CALN1: variants seen among roughly 807,000 people sequenced by gnomAD.
CALN1 encodes calneuron 1, also known as calcium-binding protein 8.
A neutral mutation model predicts 30.6 loss-of-function variants in CALN1; 17 were observed. That is an observed-to-expected ratio of 0.56 (90% confidence interval 0.38 to 0.83). The LOEUF is 0.83. Ranked by LOEUF, CALN1 falls within the 40% of genes least tolerant of loss-of-function variation. CALN1 has a pLI of 0.00. For synonymous variants in CALN1, 156 were observed against 131.4 expected (o/e 1.19, Z -1.28); for missense variants, 291 against 354.9 (o/e 0.82, Z 1.45).
intron 3 of CALN1, among the ~76,000 whole-genome samples, chr7:72,246,740 T>C (rs1585256370): frequency 1.4e-5 from 2 of 146,612 alleles, no homozygotes; most frequent in South Asian, 4.4e-4. Context: ...TGATCCTCAT[T>C]CCTACCAGAA....
At chr7:72,235,444 C>T (rs768978093) in intron 3 of CALN1, among the ~76,000 whole-genome samples, 1 of 152,046 alleles carries the variant, frequency 6.6e-6, no homozygotes, top group African/African-American at 2.4e-5. Context: ...ACATTGAAGG[C>T]AACTCCTAAA....
At chr7:71,913,437 G>T (rs1794527370) in intron 5 of CALN1, among the ~76,000 whole-genome samples, 1 of 152,204 alleles carries the variant, frequency 6.6e-6, no homozygotes. Flanking sequence ...GATGAACAGT[G>T]CTCATTGTAG....
At chr7:72,386,572 G>A (rs1257385531) in intron 2 of CALN1, among the ~76,000 whole-genome samples, 1 of 152,152 alleles carries the variant, frequency 6.6e-6, no homozygotes, top group East Asian at 1.9e-4. Flanking sequence ...AGTAAACAAG[G>A]GGAGAATTCT....
In CALN1 at chr7:72,290,066, C is replaced by A. The variant is rs10243625; in HGVS notation, c.120-11256G>T. The stretch of plus-strand genomic sequence containing the variant: ...GTACTCCAGCCTGGGTAACAGAGAA[C>A]GAGACCCTGTCTTAAAAAAAAAAAA... On this transcript the variant is annotated intron_variant, in intron 2 of 6. Transcript: ENST00000395275. 5.7e-3 allele frequency among the ~76,000 whole-genome samples: 612 copies of A among 108,080 alleles called. 7 individuals are homozygous for A. The highest frequency in any genetic ancestry group is 0.019 in the African/African-American group (548 of 29,194). 70.9% of individuals were successfully genotyped at this position (108,080 alleles called of 152,430 possible). A position where few individuals can be genotyped will look rare whatever the true frequency, so the allele number is the denominator to read the frequency against.
intron 3 of CALN1, among the ~76,000 whole-genome samples, chr7:72,140,165 G>A (rs1009759193): frequency 6.6e-6 from 1 of 151,696 alleles, no homozygotes; most frequent in Admixed American, 6.6e-5. Flanking sequence ...CAGCTACTAG[G>A]GAGACTGAGG....
intron 2 of CALN1, among the ~76,000 whole-genome samples, chr7:72,338,705 T>C (rs890937352): frequency 1.4e-4 from 21 of 152,118 alleles, no homozygotes; most frequent in Non-Finnish European, 2.6e-4. Context: ...TACATATTTA[T>C]GGGGTACATG....
At chr7:72,403,114 C>T in intron 2 of CALN1, 137 bp downstream of exon 2, 1 of 618,882 alleles carries the variant, frequency 1.6e-6, no homozygotes, top group Non-Finnish European at 2.8e-6. Context: ...GGACAGCTCT[C>T]CCAGGTGTCC....
At chr7:71,956,098 C>G (rs184198262) in intron 5 of CALN1, among the ~76,000 whole-genome samples, 9 of 151,998 alleles carry the variant, frequency 5.9e-5, no homozygotes, top group Admixed American at 2.0e-4. Flanking sequence ...AGCAATTCTC[C>G]TGCCTCAGCC....
chr7:72,357,050 C>G (rs1461331785), intron 2 of CALN1, among the ~76,000 whole-genome samples: 1 of 151,942 alleles, frequency 6.6e-6, no homozygotes, highest in Non-Finnish European at 1.5e-5. Flanking sequence ...TTAAAACCTC[C>G]TCCCTGAAAC....
intron 2 of CALN1, among the ~76,000 whole-genome samples, chr7:72,399,270 C>CTTTTTTTTT (rs5884888): frequency 7.5e-5 from 8 of 106,786 alleles, no homozygotes; most frequent in Admixed American, 1.1e-4. Context: ...TAACCTATTG[C>CTTTTTTTTT]TTTTTTTTTT....
At chr7:72,083,554 A>T (rs1805292371) in intron 4 of CALN1, among the ~76,000 whole-genome samples, 1 of 152,116 alleles carries the variant, frequency 6.6e-6, no homozygotes, top group African/African-American at 2.4e-5. Context: ...ACTGCACTTC[A>T]GCCTGGGTGG....
chr7:72,425,065 C>T (rs1161365369), intron 1 of CALN1, among the ~76,000 whole-genome samples: 1 of 152,128 alleles, frequency 6.6e-6, no homozygotes, highest in Admixed American at 6.5e-5. Context: ...ATCCATGTTG[C>T]TAAAGGACCT....
At chr7:72,375,568 G>GAA (rs34885674) in intron 2 of CALN1, among the ~76,000 whole-genome samples, 1,846 of 136,394 alleles carry the variant, frequency 0.014, 23 homozygotes, top group Non-Finnish European at 0.021. Context: ...CTGCCTCCAG[G>GAA]AAAAAAAAAA....
intron 2 of CALN1, among the ~76,000 whole-genome samples, chr7:72,283,041 G>A (rs564063512): frequency 1.5e-5 from 2 of 135,812 alleles, no homozygotes; most frequent in Admixed American, 7.8e-5. Context: ...GGTGATCGAG[G>A]GAGACTCCAT....
the CALN1 span, among the ~76,000 whole-genome samples, chr7:72,460,461 G>C: frequency 4.0e-5 from 6 of 151,642 alleles, no homozygotes; most frequent in East Asian, 1.2e-3. Context: ...ATGAAACCCC[G>C]TCTCTACTGA....
At chr7:72,267,717 A>G (rs925286791) in intron 3 of CALN1, among the ~76,000 whole-genome samples, 5 of 152,250 alleles carry the variant, frequency 3.3e-5, no homozygotes, top group Admixed American at 6.5e-5. Flanking sequence ...AGTTAGTAAC[A>G]GTACCTGGGC....
chr7:71,828,502 C>G (rs903890636), intron 5 of CALN1, among the ~76,000 whole-genome samples: 3 of 152,066 alleles, frequency 2.0e-5, no homozygotes, highest in African/African-American at 7.2e-5. Context: ...AAGCTTGGAA[C>G]TGGTCAGGGC....
chr7:71,934,823 G>A (rs944371053), intron 5 of CALN1, among the ~76,000 whole-genome samples: 11 of 152,224 alleles, frequency 7.2e-5, no homozygotes, highest in Non-Finnish European at 1.5e-4. Flanking sequence ...CGCAATCATG[G>A]TGGAAGGCAA....
upstream of CALN1, among the ~76,000 whole-genome samples, chr7:72,413,522 CAT>C (rs1807311426): frequency 6.6e-6 from 1 of 151,936 alleles, no homozygotes. Context: ...CAGATACACT[CAT>C]AAACACGCAC....
Sources: allele counts gnomAD v4.1 joint callset (sites outside exome capture counted in the v4.1 genomes callset), GRCh38; gene constraint gnomAD v4.1.1; transcripts MANE v1.5; gene names NCBI Gene and HGNC (gene_info 2026-07-23, HGNC 2026-07-21).